The following DPY19L2 variants were observed in gnomAD, a reference collection of about 807,000 sequenced individuals.
DPY19L2 encodes the protein dpy-19 like 2.
A neutral mutation model predicts 97.9 loss-of-function variants in DPY19L2; 34 were observed. The observed-to-expected ratio is 0.35, with a 90% CI of 0.26 to 0.46. The LOEUF is 0.46. Ranked by LOEUF, DPY19L2 falls within the 20% of genes least tolerant of loss-of-function variation. DPY19L2 has a pLI of 1.00. For synonymous variants in DPY19L2, 230 were observed against 307.9 expected, an observed-to-expected ratio of 0.75 and a Z score of 2.65; for missense variants, 623 against 911.4, an observed-to-expected ratio of 0.68 and a Z score of 4.07.
intron 12 of DPY19L2, among the ~76,000 whole-genome samples, chr12:63,604,345 T>A (rs1885686279): frequency 6.6e-6 from 1 of 152,208 alleles, no homozygotes; most frequent in South Asian, 2.1e-4. Flanking sequence ...TGGGAATCGC[T>A]CAGTATCTTC....
At chr12:63,661,008 C>G (rs376124210) in intron 4 of DPY19L2, 1 of 161,894 alleles carries the variant, frequency 6.2e-6, no homozygotes, top group Admixed American at 6.4e-5. Flanking sequence ...TGTCCCTTCA[C>G]GTGGTCATCA....
chr12:63,587,862 A>C (rs565214596), intron 16 of DPY19L2, among the ~76,000 whole-genome samples: 5 of 152,138 alleles, frequency 3.3e-5, no homozygotes, highest in South Asian at 2.1e-4. Flanking sequence ...TGAGCCACCG[A>C]ACCCGGCCTA....
rs540650883 is a variant in DPY19L2, at chr12:63,651,660, C to T, written c.589-4295G>A. On this transcript the variant is annotated intron_variant, in intron 4 of 21. Coordinates refer to ENST00000324472, the MANE Select transcript of DPY19L2 (RefSeq NM_173812.5). ...AATCTCCGGCCCTACAGAGACTGCG[C>T]GGTGCATTGAGTCCCTGATAGCTGT... is the stretch of plus-strand genomic sequence containing the variant. The T allele has an allele frequency of 9.1e-5, 40 of 438,120 alleles. No homozygotes were observed. In the Middle Eastern group the frequency reaches 4.2e-3, roughly 46 times the overall value. 27.1% of individuals were successfully genotyped at this position (438,120 alleles called of 1,614,324 possible).
rs58304721 is a variant in DPY19L2 at position 63,625,936 on chromosome 12, T to TTA, written c.861+531_861+532dup. On this transcript the variant is annotated intron_variant, in intron 7 of 21. Coordinates refer to ENST00000324472, the MANE Select transcript of DPY19L2 (RefSeq NM_173812.5). ...CACAATAAAAAGTTGAATATATATG[T>TTA]TATATATATATAATATATAAGTTTT... Among the ~76,000 whole-genome samples, 11 of 147,448 alleles carry TTA rather than the reference T, an allele frequency of 7.5e-5. No individual in the cohort carries two copies. The East Asian group carries it at 9.8e-4, about 13-fold the overall frequency.
intron 11 of DPY19L2, among the ~76,000 whole-genome samples, chr12:63,608,909 A>ATTTTCTGACC: frequency 1.3e-5 from 2 of 152,042 alleles, no homozygotes; most frequent in Non-Finnish European, 2.9e-5. Context: ...TCCTCACTTA[A>ATTTTCTGACC]ATACCCTGAC....
At chr12:63,656,401 T>C (rs533721246) in intron 4 of DPY19L2, among the ~76,000 whole-genome samples, 11 of 152,322 alleles carry the variant, frequency 7.2e-5, no homozygotes, top group Non-Finnish European at 1.3e-4. Context: ...ACTTCTCCTA[T>C]AAAGAGCCAG....
intron 15 of DPY19L2, among the ~76,000 whole-genome samples, chr12:63,594,532 G>GTGTGTA (rs1883819497): frequency 8.6e-6 from 1 of 116,226 alleles, no homozygotes; most frequent in Non-Finnish European, 2.1e-5. Context: ...GTGTGTGTGT[G>GTGTGTA]TATGTGTGTA....
intron 4 of DPY19L2, among the ~76,000 whole-genome samples, chr12:63,652,523 A>C (rs1307429087): frequency 6.6e-6 from 1 of 152,162 alleles, no homozygotes; most frequent in Non-Finnish European, 1.5e-5. Flanking sequence ...GAATCAACCT[A>C]AATGCCATCA....
chr12:63,628,089 A>G lies in DPY19L2; in HGVS notation c.804-1563T>C, dbSNP rs142167106. On this transcript the variant is annotated intron_variant, in intron 6 of 21. Transcript: ENST00000324472. ...AGTAAGATGAGTTGGTGAGGGGTGG[A>G]GCCAAGATGGCCGAATAGGAACAGC... Among the ~76,000 whole-genome samples, 639 of 152,296 alleles carry G rather than the reference A, an allele frequency of 4.2e-3. 9 individuals are homozygous for G. The highest frequency in any genetic ancestry group is 0.015 in the African/African-American group (604 of 41,556).
At chr12:63,649,561 CA>C (rs1281485536) in intron 4 of DPY19L2, among the ~76,000 whole-genome samples, 1 of 152,076 alleles carries the variant, frequency 6.6e-6, no homozygotes, top group Non-Finnish European at 1.5e-5. Flanking sequence ...TCTATGGACA[CA>C]AACTGGAAAA....
intron 15 of DPY19L2, 32 bp from the exon 16 acceptor site, chr12:63,594,165 G>T (rs147588827): frequency 6.2e-6 from 9 of 1,440,738 alleles, no homozygotes; most frequent in South Asian, 3.8e-5. Flanking sequence ...TGAAACTTTT[G>T]TAAGGAATAC....
chr12:63,577,598 C>T (rs1013246727), intron 19 of DPY19L2, among the ~76,000 whole-genome samples: 1 of 149,634 alleles, frequency 6.7e-6, no homozygotes, highest in African/African-American at 2.5e-5. Context: ...TAAAAATCTA[C>T]TTTAAAAATG....
At position 63,668,112 on chromosome 12, in the gene DPY19L2, T is replaced by C; in HGVS notation, c.282A>G (p.Glu94=). The C allele has an allele frequency of 6.2e-7, 1 of 1,613,996 alleles. No homozygotes were observed. Among genetic ancestry groups the C allele is most frequent in the Non-Finnish European group, 8.5e-7 (1 of 1,179,936 alleles). The part of the protein sequence containing the change: ...FVRNSLAQLR[E]KVQELQARRF... ...GCCGCGCCTGCAGTTCCTGCACCTT[T>C]TCCCGGAGCTGCGCCAGGGAATTAC... The change falls in exon 1 of 22, where the codon GAA becomes GAG. Residue 94 remains glutamate, a synonymous_variant. Transcript: ENST00000324472.
intron 11 of DPY19L2, among the ~76,000 whole-genome samples, chr12:63,614,531 G>A (rs1430700976): frequency 6.6e-6 from 1 of 151,986 alleles, no homozygotes; most frequent in Non-Finnish European, 1.5e-5. Flanking sequence ...AGAAGGATAT[G>A]CAAAAAATTC....
chr12:63,604,360 T>G (rs1247603072), intron 12 of DPY19L2, among the ~76,000 whole-genome samples: 1 of 152,214 alleles, frequency 6.6e-6, no homozygotes, highest in Non-Finnish European at 1.5e-5. Context: ...ATCTTCACTC[T>G]GCAGGTACAG....
At chr12:63,578,338 G>A (rs1880248865) in intron 19 of DPY19L2, among the ~76,000 whole-genome samples, 1 of 152,090 alleles carries the variant, frequency 6.6e-6, no homozygotes, top group Non-Finnish European at 1.5e-5. Context: ...TGGAGGGGAA[G>A]TGAGGATGGT....
intron 6 of DPY19L2, among the ~76,000 whole-genome samples, chr12:63,633,293 G>GA (rs1478275792): frequency 6.6e-6 from 1 of 151,926 alleles, no homozygotes; most frequent in Non-Finnish European, 1.5e-5. Context: ...CAGAATGGGA[G>GA]AAATTTTTGC....
At chr12:63,608,506 C>T in intron 12 of DPY19L2, 110 bp downstream of exon 12, 2 of 1,003,462 alleles carry the variant, frequency 2.0e-6, no homozygotes, top group South Asian at 3.1e-5. Flanking sequence ...AAGACAGTAG[C>T]TATTTATTAA....
chr12:63,590,789 A>C (rs866488808), intron 16 of DPY19L2, among the ~76,000 whole-genome samples: 1 of 152,092 alleles, frequency 6.6e-6, no homozygotes, highest in Non-Finnish European at 1.5e-5. Flanking sequence ...CTGGTTTTTC[A>C]GAATGTATTA....
Sources: gnomAD v4.1 joint callset for allele counts (sites outside exome capture counted in the v4.1 genomes callset) on GRCh38, gnomAD v4.1.1 for gene constraint, MANE v1.5 for transcripts, NCBI Gene and HGNC (gene_info 2026-07-23, HGNC 2026-07-21) for gene names.